Variants in MYO18B observed in about 807,000 individuals in gnomAD.
The protein encoded by MYO18B is myosin XVIIIB.
In MYO18B, 204 loss-of-function variants were observed where a neutral mutation model predicts 273.0. The observed-to-expected ratio is 0.75, with a 90% CI of 0.67 to 0.84. The LOEUF is 0.84. Ranked by LOEUF, MYO18B falls within the 40% of genes least tolerant of loss-of-function variation. MYO18B has a pLI of 0.00. For synonymous variants in MYO18B, 1,330 were observed against 1,305.7 expected (o/e 1.02, Z -0.40); for missense variants, 3,212 against 3,287.6 (o/e 0.98, Z 0.56).
At chr22:25,947,034 G>C (rs758053848) in intron 35 of MYO18B, among the ~76,000 whole-genome samples, 1 of 152,096 alleles carries the variant, frequency 6.6e-6, no homozygotes, top group Admixed American at 6.5e-5. Flanking sequence ...GGTATAGTTC[G>C]AGTTTTATAG....
Position 25,969,437 on chromosome 22 carries a change from G to C in MYO18B, c.6156+14073G>C, listed in dbSNP as rs192629264. ...AATACAGCTTGATAACCTATGGTCA[G>C]ATCTGGCTGCTGTCCTGATTTTTAT... On this transcript the variant is annotated intron_variant, in intron 39 of 43. Transcript: ENST00000335473. Among the ~76,000 whole-genome samples, 303 of 152,326 alleles carry C rather than the reference G, an allele frequency of 2.0e-3. 4 individuals carry two copies. Among genetic ancestry groups the C allele is most frequent in the Non-Finnish European group, 2.3e-3 (159 of 68,036 alleles).
In MYO18B at chr22:25,990,501, C is replaced by T. The variant is rs145355792; in HGVS notation, c.6157-1862C>T. Among the ~76,000 whole-genome samples, 523 of 151,930 alleles carry T rather than the reference C, an allele frequency of 3.4e-3. 3 individuals carry two copies. The highest frequency in any genetic ancestry group is 4.3e-3 in the Non-Finnish European group (295 of 67,970). ...AGGAATTCGAGACCAGCCTGGCGAA[C>T]GTGGTGAAATCCCATCTCTGCTAAA... On this transcript the variant is annotated intron_variant, in intron 39 of 43. Transcript: ENST00000335473.
At position 25,769,072 on chromosome 22, in the gene MYO18B, G is replaced by A. The variant is rs2086619106; in HGVS notation, c.1156G>A (p.Gly386Ser). The change falls in exon 4 of 44, where the codon GGT becomes AGT. Residue 386 changes from glycine (G) to serine (S), a missense_variant. Physicochemically the swap from Gly to Ser is moderately conservative, Grantham distance 56 (BLOSUM62 0). Transcript: ENST00000335473. The part of the protein sequence containing the change: ...GELRSTTGKA[G>S]ESWDKKEKMG... The stretch of plus-strand genomic sequence containing the variant: ...GCTTCGGAGCACGACTGGGAAGGCA[G>A]GTGAGTCCTGGGATAAGAAGGAAAA... The A allele has an allele frequency of 1.9e-6, 3 of 1,612,990 alleles. No homozygotes were observed. Among genetic ancestry groups the A allele is most frequent in the Non-Finnish European group, 2.5e-6 (3 of 1,179,438 alleles).
At chr22:25,900,238 T>G (rs1463630567) in intron 29 of MYO18B, 1 of 152,230 alleles carries the variant, frequency 6.6e-6, no homozygotes, top group Non-Finnish European at 1.5e-5. Context: ...CTAATTTATG[T>G]TTTGATGCCA....
chr22:25,963,708 C>A (rs576680565), intron 39 of MYO18B, among the ~76,000 whole-genome samples: 58 of 151,522 alleles, frequency 3.8e-4, no homozygotes, highest in African/African-American at 1.4e-3. Flanking sequence ...CCTCAGACAG[C>A]TAAGTTAACA....
At chr22:25,891,617 C>A (rs932278740) in intron 27 of MYO18B, among the ~76,000 whole-genome samples, 5 of 152,172 alleles carry the variant, frequency 3.3e-5, no homozygotes, top group African/African-American at 1.2e-4. Context: ...CCAACAATAT[C>A]CCAGGTAACA....
At chr22:25,759,303 CTAGA>C (rs2086227151) in intron 1 of MYO18B, among the ~76,000 whole-genome samples, 2 of 152,062 alleles carry the variant, frequency 1.3e-5, no homozygotes, top group Non-Finnish European at 1.5e-5. Context: ...CAGTGATAGA[CTAGA>C]TAAAGAAAAT....
rs2091982319 is a variant in MYO18B, at chr22:25,903,667, G to A, written c.4984G>A (p.Val1662Met). Reference protein sequence around the residue: ...EQEASQLKQQVEMLQDHKREL... With the variant: ...EQEASQLKQQMEMLQDHKREL... The stretch of plus-strand genomic sequence containing the variant: ...GGAAGCCTCACAGCTGAAGCAGCAG[G>A]TGGAGATGCTACAGGACCATAAACG... The change falls in exon 31 of 44, where the codon GTG becomes ATG. Residue 1662 changes from valine to methionine, a missense_variant. By Grantham distance (21) the Val-to-Met change is conservative. Coordinates refer to ENST00000335473, the MANE Select transcript of MYO18B (RefSeq NM_032608.7). The A allele has an allele frequency of 6.2e-7, 1 of 1,609,890 alleles. No homozygotes were observed. Among genetic ancestry groups the A allele is most frequent in the Non-Finnish European group, 8.5e-7 (1 of 1,178,108 alleles).
At chr22:25,900,380 G>T (rs8137311) in intron 29 of MYO18B, 1 of 152,090 alleles carries the variant, frequency 6.6e-6, no homozygotes, top group Non-Finnish European at 1.5e-5. Context: ...TGCATCTCTC[G>T]ATGCTTAATC....
intron 33 of MYO18B, among the ~76,000 whole-genome samples, chr22:25,915,045 T>TA (rs2092239094): frequency 8.0e-5 from 12 of 149,876 alleles, no homozygotes; most frequent in African/African-American, 3.0e-4. Flanking sequence ...CTCAACAAAT[T>TA]TAAAAAAAAA....
chr22:25,835,216 C>G, intron 16 of MYO18B, 80 bp from the exon 17 acceptor site: 4 of 1,491,774 alleles, frequency 2.7e-6, no homozygotes, highest in Non-Finnish European at 3.6e-6. Flanking sequence ...GCTCTCATTC[C>G]CTATCGGTGG....
chr22:26,006,180 A>T (rs1165245580), intron 42 of MYO18B, among the ~76,000 whole-genome samples: 1 of 152,234 alleles, frequency 6.6e-6, no homozygotes, highest in Non-Finnish European at 1.5e-5. Context: ...TAATTATATT[A>T]GGGTGGATAA....
Position 25,768,743 on chromosome 22 carries a change from G to A in MYO18B, c.827G>A (p.Gly276Glu). The change falls in exon 4 of 44, where the codon GGG (glycine) becomes GAG (glutamate). Residue 276 changes from glycine to glutamate, a missense_variant. By Grantham distance (98) the Gly-to-Glu change is moderately conservative. Transcript: ENST00000335473. ...CCCCAAGCCCAAGGGCCCGGCGAGG[G>A]GGTGCGACCAGGGAAAGCAGAGAAG... ...TRPQAQGPGE[G>E]VRPGKAEKEG... 1 of 1,603,506 alleles carries A rather than the reference G, an allele frequency of 6.2e-7. No homozygotes were observed. The highest frequency in any genetic ancestry group is 8.5e-7 in the Non-Finnish European group (1 of 1,174,960).
At chr22:25,796,883 T>C (rs9624901) in intron 11 of MYO18B, among the ~76,000 whole-genome samples, 38,990 of 152,182 alleles carry the variant, frequency 0.26, 5,135 homozygotes, top group Middle Eastern at 0.33. Flanking sequence ...TGGCCCATGC[T>C]GGCTTCTCCA....
the MYO18B span, among the ~76,000 whole-genome samples, chr22:26,053,496 C>T: frequency 2.0e-5 from 3 of 152,196 alleles, no homozygotes; most frequent in Non-Finnish European, 4.4e-5. Flanking sequence ...CCCCTATCAT[C>T]CTGGTCACCG....
rs547718781 is a variant in MYO18B at position 25,861,593 on chromosome 22, C to A, written c.3886-6727C>A. ...ATATAGTTGAATCTTTTTACAAAAT[C>A]CAGATTGACAATCTCTGCCTTTTTA... On this transcript the variant is annotated intron_variant, in intron 21 of 43. Coordinates refer to ENST00000335473, the MANE Select transcript of MYO18B (RefSeq NM_032608.7). 3.3e-5 allele frequency among the ~76,000 whole-genome samples: 5 copies of A among 152,278 alleles called. No homozygotes were observed. The South Asian group carries it at 1.0e-3, about 32-fold the overall frequency.
intron 1 of MYO18B, among the ~76,000 whole-genome samples, chr22:25,753,623 C>T (rs1009505291): frequency 6.6e-6 from 1 of 152,168 alleles, no homozygotes; most frequent in Non-Finnish European, 1.5e-5. Context: ...TGAGCTGTAA[C>T]ACTCACCGCA....
At chr22:25,770,499 T>C (rs1488475395) in intron 5 of MYO18B, among the ~76,000 whole-genome samples, 1 of 152,202 alleles carries the variant, frequency 6.6e-6, no homozygotes, top group Non-Finnish European at 1.5e-5. Flanking sequence ...TGAGAAGTGA[T>C]GCTGAGTCTC....
intron 12 of MYO18B, among the ~76,000 whole-genome samples, chr22:25,819,308 A>C (rs1488740050): frequency 6.6e-6 from 1 of 152,150 alleles, no homozygotes; most frequent in East Asian, 1.9e-4. Flanking sequence ...CAGAAATATC[A>C]ATTGCCAATT....
Sources: gnomAD v4.1 joint callset for allele counts (sites outside exome capture counted in the v4.1 genomes callset) on GRCh38, gnomAD v4.1.1 for gene constraint, MANE v1.5 for transcripts, NCBI Gene and HGNC (gene_info 2026-07-23, HGNC 2026-07-21) for gene names.